The following PAIP1 variants were observed in gnomAD, a reference collection of about 807,000 sequenced individuals.
The protein encoded by PAIP1 is poly(A) binding protein interacting protein 1.
Under a neutral mutation model 61.3 loss-of-function variants are expected in PAIP1, and 16 were observed. The ratio of observed to expected loss-of-function variants is 0.26; its 90% CI spans 0.18 to 0.40. The LOEUF (loss-of-function observed/expected upper bound fraction) is 0.40, where lower values mean the gene tolerates loss of function less well. PAIP1 is among the 10% of genes least tolerant of loss of function. PAIP1 has a pLI of 1.00. For missense variants in PAIP1, 416 were observed against 600.9 expected (o/e 0.69, Z 3.22); for synonymous variants, 187 against 226.2 (o/e 0.83, Z 1.56).
intron 2 of PAIP1, among the ~76,000 whole-genome samples, chr5:43,550,839 A>C (rs1747837537): frequency 5.2e-5 from 3 of 57,216 alleles, no homozygotes; most frequent in Non-Finnish European, 1.2e-4. Context: ...ATATACTACA[A>C]AAAAAAAAAA....
At chr5:43,528,391 G>C (rs1268329334) in intron 10 of PAIP1, among the ~76,000 whole-genome samples, 1 of 151,836 alleles carries the variant, frequency 6.6e-6, no homozygotes, top group Non-Finnish European at 1.5e-5. Context: ...ACCAACTGCT[G>C]ATGAGTCCTT....
At chr5:43,547,472 G>C (rs1579923912) in intron 3 of PAIP1, among the ~76,000 whole-genome samples, 2 of 152,268 alleles carry the variant, frequency 1.3e-5, no homozygotes, top group East Asian at 3.9e-4. Context: ...TGCTTGTATA[G>C]AGCTTTGGCT....
In PAIP1 at chr5:43,547,857, A is replaced by G. The variant is rs1238640704; in HGVS notation, c.492T>C (p.Asp164=). 4 of 1,612,598 alleles carry G rather than the reference A, an allele frequency of 2.5e-6. No individual in the cohort carries two copies. The South Asian group carries it at 3.3e-5, about 13-fold the overall frequency. The change falls in exon 3 of 11, where the codon GAT becomes GAC. Residue 164 remains aspartate, a synonymous_variant. Coordinates refer to ENST00000306846, the MANE Select transcript of PAIP1 (RefSeq NM_006451.5). ...DYPTLSEYVQ[D]FLNHLTEQPG... is the part of the protein sequence containing the mutation. The stretch of plus-strand genomic sequence containing the variant: ...GCTGCTCTGTAAGATGATTCAAAAA[A>G]TCCTGAACATATTCTGATAGAGTAG...
In PAIP1 at chr5:43,555,925, C is replaced by A; in HGVS notation, c.340G>T (p.Ala114Ser). The A allele has an allele frequency of 6.2e-7, 1 of 1,613,946 alleles. No individual in the cohort carries two copies. The highest frequency in any genetic ancestry group is 1.1e-5 in the South Asian group (1 of 91,072). ...GGAGCTACAACCACCTGGGGCTTAG[C>A]CATTGCTGACTCCGAGTTCTGCTGT... ...IPQQNSESAM[A>S]KPQVVVAPVL... is the part of the protein sequence containing the mutation. The change falls in exon 2 of 11, where the codon GCT becomes TCT. Residue 114 changes from alanine to serine, a missense_variant. Physicochemically the swap from Ala to Ser is moderately conservative, Grantham distance 99 (BLOSUM62 1). This residue lies in a region of PAIP1 where 180 missense variants were observed against 211.2 expected (regional missense o/e 0.85). Transcript: ENST00000306846.
At chr5:43,553,964 A>G (rs1411689055) in intron 2 of PAIP1, among the ~76,000 whole-genome samples, 3 of 152,186 alleles carry the variant, frequency 2.0e-5, no homozygotes, top group Non-Finnish European at 2.9e-5. Flanking sequence ...AAAACAACTT[A>G]AAGAAAAAAC....
upstream of PAIP1, chr5:43,557,404 CG>C (rs1318166801): frequency 1.3e-5 from 2 of 152,608 alleles, no homozygotes; most frequent in East Asian, 3.9e-4. Flanking sequence ...AGTTGACGCC[CG>C]GGAAATAAAA....
chr5:43,556,911 G>A lies in PAIP1; in HGVS notation c.-65C>T, dbSNP rs1748122502. 3 of 1,322,378 alleles carry A rather than the reference G, an allele frequency of 2.3e-6. No individual in the cohort carries two copies. The highest frequency in any genetic ancestry group is 1.9e-6 in the Non-Finnish European group (2 of 1,038,336). The allele number at this position is 1,322,378 out of a possible 1,614,324, so 81.9% of individuals were successfully genotyped here. A position where few individuals can be genotyped will look rare whatever the true frequency, so the allele number is the denominator to read the frequency against. On this transcript the variant is annotated 5_prime_UTR_variant, in exon 1 of 11. Coordinates refer to ENST00000306846, the MANE Select transcript of PAIP1 (RefSeq NM_006451.5). ...GCTGCGCTCGCGATAGGACGCGGGG[G>A]GAAGGCGCCGCGGGTCGGCTATAGC...
chr5:43,532,149 A>C (rs932750212), intron 9 of PAIP1, among the ~76,000 whole-genome samples: 1 of 152,218 alleles, frequency 6.6e-6, no homozygotes, highest in Non-Finnish European at 1.5e-5. Flanking sequence ...ACCAAACTGA[A>C]TTTCTGTAAA....
chr5:43,531,547 C>T (rs1746929659), intron 9 of PAIP1, among the ~76,000 whole-genome samples: 1 of 146,704 alleles, frequency 6.8e-6, no homozygotes, highest in African/African-American at 2.5e-5. Context: ...ATCCCAGCTA[C>T]TTGGGAGGCT....
At chr5:43,531,622 AC>A (rs1241989394) in intron 9 of PAIP1, among the ~76,000 whole-genome samples, 2 of 137,842 alleles carry the variant, frequency 1.5e-5, no homozygotes, top group Admixed American at 1.6e-4. Context: ...GCATCACCGC[AC>A]CCCAGCCTGG....
At position 43,536,728 on chromosome 5, in the gene PAIP1, A is replaced by G. The variant is rs142487406; in HGVS notation, c.972+91T>C. On this transcript the variant is annotated intron_variant, in intron 6 of 10. Coordinates refer to ENST00000306846, the MANE Select transcript of PAIP1 (RefSeq NM_006451.5). ...GTCAATATTTACCTTAAAGTGATAA[A>G]TCTTGAATTCATCTGTATACTATAT... 1.7e-3 allele frequency: 976 copies of G among 580,626 alleles called. 7 individuals carry two copies. The highest frequency in any genetic ancestry group is 0.016 in the African/African-American group (806 of 51,704). 36.0% of individuals were successfully genotyped at this position (580,626 alleles called of 1,614,324 possible).
intron 3 of PAIP1, 107 bp downstream of exon 3, chr5:43,547,621 G>A (rs1041552339): frequency 1.5e-6 from 1 of 689,490 alleles, no homozygotes; most frequent in Admixed American, 2.6e-5. Context: ...TAAAGAGTAA[G>A]TGTGGAGGCA....
Position 43,527,296 on chromosome 5 carries a change from G to GAA in PAIP1, c.*79_*80insTT. On this transcript the variant is annotated 3_prime_UTR_variant, in exon 11 of 11. Coordinates refer to ENST00000306846, the MANE Select transcript of PAIP1 (RefSeq NM_006451.5). ...AACATCCTTAATTTGGTATAGATGT[G>GAA]ACATTTTCTTGCTCTCTTGTGTTCT... is the stretch of plus-strand genomic sequence containing the variant. The GAA allele has an allele frequency of 1.2e-6, 1 of 859,590 alleles. No individual in the cohort carries two copies. The highest frequency in any genetic ancestry group is 1.7e-6 in the Non-Finnish European group (1 of 575,816). The allele number at this position is 859,590 out of a possible 1,614,324, so 53.2% of individuals were successfully genotyped here. A position where few individuals can be genotyped will look rare whatever the true frequency, so the allele number is the denominator to read the frequency against.
chr5:43,545,055 C>T (rs1454665166), intron 3 of PAIP1, among the ~76,000 whole-genome samples: 1 of 151,860 alleles, frequency 6.6e-6, no homozygotes, highest in Non-Finnish European at 1.5e-5. Flanking sequence ...ATAGCTGAAC[C>T]ATGTATTACA....
chr5:43,527,519 G>A (rs1746754983), intron 10 of PAIP1, 50 bp from the exon 11 acceptor site: 1 of 1,487,188 alleles, frequency 6.7e-7, no homozygotes, highest in South Asian at 1.3e-5. Flanking sequence ...AACTCAGAAA[G>A]TAAGATGCTA....
chr5:43,538,391 CTTGA>C (rs1397088435), intron 5 of PAIP1, among the ~76,000 whole-genome samples: 1 of 152,040 alleles, frequency 6.6e-6, no homozygotes, highest in Non-Finnish European at 1.5e-5. Context: ...TGTTAAATAG[CTTGA>C]TTTAGCCATT....
intron 2 of PAIP1, among the ~76,000 whole-genome samples, chr5:43,550,837 CAAA>C (rs373730839): frequency 1.2e-3 from 60 of 49,564 alleles, no homozygotes; most frequent in Non-Finnish European, 1.3e-3. Context: ...AAATATACTA[CAAA>C]AAAAAAAAAA....
intron 6 of PAIP1, 78 bp from the exon 7 acceptor site, chr5:43,535,718 C>T (rs921435163): frequency 1.5e-5 from 11 of 746,372 alleles, no homozygotes; most frequent in Middle Eastern, 2.5e-4. Flanking sequence ...AGTAACAGTT[C>T]AAGCATTCTC....
At chr5:43,539,826 A>G (rs944274985) in intron 4 of PAIP1, among the ~76,000 whole-genome samples, 14 of 152,240 alleles carry the variant, frequency 9.2e-5, no homozygotes, top group Admixed American at 6.5e-5. Context: ...CTACAGTGTC[A>G]GATATTGTTA....
Sources: gnomAD v4.1 joint callset for allele counts (sites outside exome capture counted in the v4.1 genomes callset) on GRCh38, gnomAD v4.1.1 for gene constraint, gnomAD v4.1.1 regional missense constraint, MANE v1.5 for transcripts, NCBI Gene and HGNC (gene_info 2026-07-23, HGNC 2026-07-21) for gene names.